The following SLC36A4 variants were observed in gnomAD, a reference collection of about 807,000 sequenced individuals.
SLC36A4 encodes the protein solute carrier family 36 member 4.
SLC36A4 carries 49 observed loss-of-function variants against 50.5 expected under a neutral mutation model. The ratio of observed to expected loss-of-function variants is 0.97; its 90% CI spans 0.77 to 1.23. The LOEUF (loss-of-function observed/expected upper bound fraction) is 1.23. Among genes scored for constraint, SLC36A4 ranks in the 50% most tolerant of loss-of-function variants. The pLI is 0.00. For synonymous variants in SLC36A4, 207 were observed against 206.5 expected (o/e 1.00, Z -0.02); for missense variants, 611 against 608.4 (o/e 1.00, Z -0.05).
At chr11:93,177,432 C>T (rs563492619) in intron 6 of SLC36A4, among the ~76,000 whole-genome samples, 13 of 152,292 alleles carry the variant, frequency 8.5e-5, no homozygotes, top group African/African-American at 7.2e-5. Flanking sequence ...TACTACCGAT[C>T]GTCTGAAGCC....
At chr11:93,159,866 T>C in intron 9 of SLC36A4, 1 of 985,412 alleles carries the variant, frequency 1.0e-6, no homozygotes, top group Non-Finnish European at 1.2e-6. Context: ...CCTAATATAC[T>C]CTGAGACTTT....
intron 2 of SLC36A4, 158 bp downstream of exon 2, chr11:93,185,533 C>G (rs962027316): frequency 3.4e-6 from 2 of 587,964 alleles, no homozygotes; most frequent in Non-Finnish European, 5.4e-6. Context: ...GTGATTTAAA[C>G]GCATTTCTTT....
rs542297495 is a variant in SLC36A4, at chr11:93,183,758, C to T, written c.270+672G>A. Among the ~76,000 whole-genome samples the T allele has an allele frequency of 7.1e-3, 1,082 of 151,488 alleles. 11 individuals carry two copies. The highest frequency in any genetic ancestry group is 0.025 in the African/African-American group (1,017 of 41,232). ...TGTCGCCCAGGCTGGAGTGCAGTGG[C>T]GCAATCTCAGCTCAATGCAAACTCC... On this transcript the variant is annotated intron_variant, in intron 3 of 10. Transcript: ENST00000326402.
intron 9 of SLC36A4, among the ~76,000 whole-genome samples, chr11:93,158,351 T>A (rs1046621795): frequency 6.6e-6 from 1 of 152,150 alleles, no homozygotes; most frequent in Admixed American, 6.6e-5. Context: ...AATAATATAT[T>A]TAACATTTTT....
intron 6 of SLC36A4, chr11:93,171,975 A>T (rs1484356298): frequency 1.3e-5 from 2 of 152,144 alleles, no homozygotes; most frequent in African/African-American, 4.8e-5. Flanking sequence ...TCCCATGGCT[A>T]CTTGCTCTCG....
At position 93,176,752 on chromosome 11, in the gene SLC36A4, T is replaced by C. The variant is rs139493340; in HGVS notation, c.540+4045A>G. ...TGAAATTCTGGGTTGAAAATTCTTTTCTTTCAGAATGTTGAATATTGGACC... is the reference window on the plus strand; with the variant it reads ...TGAAATTCTGGGTTGAAAATTCTTTCCTTTCAGAATGTTGAATATTGGACC... On this transcript the variant is annotated intron_variant, in intron 6 of 10. Coordinates refer to ENST00000326402, the MANE Select transcript of SLC36A4 (RefSeq NM_152313.4). 9.2e-3 allele frequency among the ~76,000 whole-genome samples: 1,406 copies of C among 152,324 alleles called. 17 individuals carry two copies. The highest frequency in any genetic ancestry group is 0.032 in the African/African-American group (1,331 of 41,562).
At chr11:93,180,657 T>A (rs1861693863) in intron 6 of SLC36A4, 140 bp downstream of exon 6, 2 of 709,586 alleles carry the variant, frequency 2.8e-6, no homozygotes, top group South Asian at 3.5e-5. Flanking sequence ...GAAAAAAGAC[T>A]AAAGGAAAAT....
At chr11:93,187,316 C>T (rs999526205) in intron 1 of SLC36A4, among the ~76,000 whole-genome samples, 3 of 152,122 alleles carry the variant, frequency 2.0e-5, no homozygotes, top group African/African-American at 7.2e-5. Context: ...CATGCTAAGT[C>T]AGTTTTCCCA....
intron 2 of SLC36A4, 62 bp from the exon 3 acceptor site, chr11:93,184,582 T>C: frequency 1.0e-6 from 1 of 999,648 alleles, no homozygotes; most frequent in Non-Finnish European, 1.6e-6. Flanking sequence ...AACATGATCA[T>C]GGTTTTAGTA....
chr11:93,186,033 G>A (rs755913621), intron 1 of SLC36A4, among the ~76,000 whole-genome samples: 106 of 152,276 alleles, frequency 7.0e-4, no homozygotes, highest in Non-Finnish European at 1.1e-3. Flanking sequence ...AGTGCAAGGT[G>A]AAAGCTTAAA....
intron 10 of SLC36A4, among the ~76,000 whole-genome samples, chr11:93,149,685 G>C (rs1450882505): frequency 6.6e-6 from 1 of 152,024 alleles, no homozygotes; most frequent in Non-Finnish European, 1.5e-5. Flanking sequence ...GACAAAGAAA[G>C]TCAAGGACAG....
At chr11:93,192,408 C>A (rs1862251945) in intron 1 of SLC36A4, among the ~76,000 whole-genome samples, 1 of 152,054 alleles carries the variant, frequency 6.6e-6, no homozygotes, top group Non-Finnish European at 1.5e-5. Flanking sequence ...GAGATCAGAT[C>A]AGAGGTGACA....
At position 93,145,253 on chromosome 11, in the gene SLC36A4, A is replaced by G. The variant is rs898893162; in HGVS notation, c.*3284T>C. On this transcript the variant is annotated 3_prime_UTR_variant, in exon 11 of 11. Coordinates refer to ENST00000326402, the MANE Select transcript of SLC36A4 (RefSeq NM_152313.4). ...TAGACACTGTTAGGAAATTCAAAAC[A>G]TGCACATTGACATACAACGCTTGTA... The G allele has an allele frequency of 6.6e-6, 1 of 152,124 alleles. No individual in the cohort carries two copies. Among genetic ancestry groups the G allele is most frequent in the African/African-American group, 2.4e-5 (1 of 41,454 alleles). 9.4% of individuals were successfully genotyped at this position (152,124 alleles called of 1,614,324 possible). A position where few individuals can be genotyped will look rare whatever the true frequency, so the allele number is the denominator to read the frequency against.
At position 93,181,737 on chromosome 11, in the gene SLC36A4, C is replaced by T. The variant is rs1425986963; in HGVS notation, c.409G>A (p.Glu137Lys). The change falls in exon 5 of 11, where the codon GAA (glutamate) becomes AAA (lysine). Residue 137 changes from glutamate (E) to lysine (K), a missense_variant. Glu to Lys is a moderately conservative substitution (Grantham distance 56). Transcript: ENST00000326402. ...TGAAGACAACTCCAAGGACTCACTT[C>T]CATAGCAAAGCTCACAGTGTCACTA... is the stretch of plus-strand genomic sequence containing the variant. ...GYSDTVSFAM[E>K]VSPWSCLQKQ... 3 of 1,546,020 alleles carry T rather than the reference C, an allele frequency of 1.9e-6. No individual in the cohort carries two copies. The highest frequency in any genetic ancestry group is 2.7e-5 in the African/African-American group (2 of 73,622).
Position 93,146,739 on chromosome 11 carries a change from C to T in SLC36A4, c.*1798G>A, listed in dbSNP as rs1859853167. 1 of 151,972 alleles carries T rather than the reference C, an allele frequency of 6.6e-6. No homozygotes were observed. The highest frequency in any genetic ancestry group is 2.4e-5 in the African/African-American group (1 of 41,406). The allele number at this position is 151,972 out of a possible 1,614,324, so 9.4% of individuals were successfully genotyped here. ...CTAGAGTATCACCAGCCTGAGTAAA[C>T]AGTTCATGTTTTAAAGTCTAAATTG... On this transcript the variant is annotated 3_prime_UTR_variant, in exon 11 of 11. Coordinates refer to ENST00000326402, the MANE Select transcript of SLC36A4 (RefSeq NM_152313.4).
At chr11:93,183,947 C>G (rs1420391867) in intron 3 of SLC36A4, among the ~76,000 whole-genome samples, 1 of 152,132 alleles carries the variant, frequency 6.6e-6, no homozygotes, top group East Asian at 1.9e-4. Context: ...ATCTGCCCAC[C>G]TCGGCCTCCC....
At position 93,145,094 on chromosome 11, in the gene SLC36A4, C is replaced by G. The variant is rs1859821847; in HGVS notation, c.*3443G>C. 6.6e-6 allele frequency: 1 copy of G among 152,100 alleles called. No homozygotes were observed. Among genetic ancestry groups the G allele is most frequent in the Non-Finnish European group, 1.5e-5 (1 of 67,942 alleles). 9.4% of individuals were successfully genotyped at this position (152,100 alleles called of 1,614,324 possible). A position where few individuals can be genotyped will look rare whatever the true frequency, so the allele number is the denominator to read the frequency against. On this transcript the variant is annotated 3_prime_UTR_variant, in exon 11 of 11. Transcript: ENST00000326402. ...TGCTGTACTGAAATCTATGAGAAGA[C>G]ATAAGTAAGCTATAGTAAGACTTGT... is the stretch of plus-strand genomic sequence containing the variant.
intron 6 of SLC36A4, among the ~76,000 whole-genome samples, chr11:93,179,560 A>G (rs939357002): frequency 4.6e-5 from 7 of 152,194 alleles, no homozygotes; most frequent in African/African-American, 9.6e-5. Flanking sequence ...TTCCAGATAT[A>G]AACAAAACTT....
In SLC36A4 at chr11:93,146,672, T is replaced by G. The variant is rs957037585; in HGVS notation, c.*1865A>C. ...TAAAAATAGAGAATATATACAACTATAGTGATCTTGATGATATCTTCAAGT... is the reference window on the plus strand; with the variant it reads ...TAAAAATAGAGAATATATACAACTAGAGTGATCTTGATGATATCTTCAAGT... On this transcript the variant is annotated 3_prime_UTR_variant, in exon 11 of 11. Coordinates refer to ENST00000326402, the MANE Select transcript of SLC36A4 (RefSeq NM_152313.4). The G allele has an allele frequency of 1.8e-4, 27 of 152,202 alleles. No homozygotes were observed. Among genetic ancestry groups the G allele is most frequent in the African/African-American group, 6.0e-4 (25 of 41,564 alleles). 9.4% of individuals were successfully genotyped at this position (152,202 alleles called of 1,614,324 possible).
Sources: gnomAD v4.1 joint callset for allele counts (sites outside exome capture counted in the v4.1 genomes callset) on GRCh38, gnomAD v4.1.1 for gene constraint, MANE v1.5 for transcripts, NCBI Gene and HGNC (gene_info 2026-07-23, HGNC 2026-07-21) for gene names.